The following ADCY8 variants were observed in gnomAD, a reference collection of about 807,000 sequenced individuals.
ADCY8 encodes adenylate cyclase type 8.
ADCY8 carries 51 observed loss-of-function variants against 119.7 expected under a neutral mutation model. The ratio of observed to expected loss-of-function variants is 0.43; its 90% CI spans 0.34 to 0.54. ADCY8 has a LOEUF of 0.54. ADCY8 is among the 20% of genes least tolerant of loss of function. The pLI, the probability that ADCY8 is intolerant of heterozygous loss-of-function variation, is 0.03. For synonymous variants in ADCY8, 665 were observed against 651.0 expected, an observed-to-expected ratio of 1.02 and a Z score of -0.33; for missense variants, 1,383 against 1,598.8, an observed-to-expected ratio of 0.87 and a Z score of 2.30.
Position 131,019,853 on chromosome 8 carries a change from C to G in ADCY8, c.960+19521G>C, listed in dbSNP as rs539211089. Among the ~76,000 whole-genome samples the G allele has an allele frequency of 2.7e-5, 4 of 150,636 alleles. No homozygotes were observed. In the East Asian group the frequency reaches 7.8e-4, roughly 29 times the overall value. ...TCTCTCTCTCTGTCTGTCTCTCTCT[C>G]TCTCTCTCTCTCTCTCTCAATAAGG... On this transcript the variant is annotated intron_variant, in intron 1 of 17. Coordinates refer to ENST00000286355, the MANE Select transcript of ADCY8 (RefSeq NM_001115.3).
chr8:130,836,861 A>T (rs1203484375), intron 11 of ADCY8, among the ~76,000 whole-genome samples: 1 of 151,866 alleles, frequency 6.6e-6, no homozygotes, highest in Admixed American at 6.6e-5. Context: ...AGCTTCCCCA[A>T]TAGCTGGGAT....
chr8:131,015,895 A>G (rs1390102947), intron 1 of ADCY8, among the ~76,000 whole-genome samples: 2 of 152,138 alleles, frequency 1.3e-5, no homozygotes, highest in Non-Finnish European at 2.9e-5. Context: ...TTTTAATCCT[A>G]ACACCTAGAG....
At chr8:130,967,799 C>A (rs1034278190) in intron 2 of ADCY8, among the ~76,000 whole-genome samples, 6 of 152,090 alleles carry the variant, frequency 3.9e-5, no homozygotes, top group African/African-American at 1.4e-4. Flanking sequence ...TGGGACAAAG[C>A]TCTTTCCTGA....
chr8:130,968,988 C>T (rs1414805053), intron 2 of ADCY8, among the ~76,000 whole-genome samples: 5 of 152,122 alleles, frequency 3.3e-5, no homozygotes, highest in Non-Finnish European at 7.3e-5. Context: ...AGGAGTTTCG[C>T]TACTTCTATC....
chr8:130,815,832 C>A (rs920588933), intron 13 of ADCY8, among the ~76,000 whole-genome samples: 1 of 152,124 alleles, frequency 6.6e-6, no homozygotes, highest in Non-Finnish European at 1.5e-5. Context: ...CAGGCAGGGG[C>A]GGAATAGGCA....
At chr8:130,886,773 T>C (rs1819001009) in intron 7 of ADCY8, among the ~76,000 whole-genome samples, 1 of 152,124 alleles carries the variant, frequency 6.6e-6, no homozygotes, top group Non-Finnish European at 1.5e-5. Flanking sequence ...TATTTTTATT[T>C]GTATATGGTT....
intron 1 of ADCY8, 149 bp downstream of exon 1, chr8:131,039,225 A>T: frequency 8.7e-7 from 1 of 1,145,964 alleles, no homozygotes; most frequent in East Asian, 2.4e-5. Context: ...CATTCCGCTA[A>T]CACTCAAGAC....
chr8:130,857,649 C>A (rs1385325092), intron 9 of ADCY8, among the ~76,000 whole-genome samples: 1 of 152,138 alleles, frequency 6.6e-6, no homozygotes, highest in African/African-American at 2.4e-5. Flanking sequence ...GGTGTGCGCC[C>A]CCACCAGGAG....
intron 1 of ADCY8, among the ~76,000 whole-genome samples, chr8:131,037,135 G>A (rs891414104): frequency 6.6e-6 from 1 of 152,190 alleles, no homozygotes; most frequent in Non-Finnish European, 1.5e-5. Flanking sequence ...ACTGAAGTGA[G>A]GGGAGAGCGC....
chr8:130,917,423 G>A (rs1820161794), intron 5 of ADCY8, among the ~76,000 whole-genome samples: 1 of 152,190 alleles, frequency 6.6e-6, no homozygotes, highest in Admixed American at 6.5e-5. Context: ...CAAGCTGAAT[G>A]GTGTTTGGAT....
At chr8:130,901,119 G>A (rs918147561) in intron 7 of ADCY8, among the ~76,000 whole-genome samples, 1 of 152,098 alleles carries the variant, frequency 6.6e-6, no homozygotes, top group Non-Finnish European at 1.5e-5. Context: ...TGATTTGCCA[G>A]GTATTGTTCT....
At chr8:130,849,534 A>G (rs1817444866) in intron 10 of ADCY8, 68 bp downstream of exon 10, 1 of 1,519,200 alleles carries the variant, frequency 6.6e-7, no homozygotes, top group Admixed American at 1.7e-5. Context: ...AGGAAGCTGC[A>G]GGCTCCATAA....
intron 2 of ADCY8, among the ~76,000 whole-genome samples, chr8:130,983,569 C>T (rs888665420): frequency 6.6e-6 from 1 of 152,062 alleles, no homozygotes; most frequent in East Asian, 1.9e-4. Flanking sequence ...TGTTGGAGTA[C>T]AAAGTGAGAG....
intron 13 of ADCY8, among the ~76,000 whole-genome samples, chr8:130,820,501 C>T (rs866326368): frequency 3.9e-5 from 6 of 152,216 alleles, no homozygotes; most frequent in Non-Finnish European, 5.9e-5. Flanking sequence ...AAGCGACGAA[C>T]GTTCATGGGT....
intron 13 of ADCY8, among the ~76,000 whole-genome samples, chr8:130,818,962 G>T (rs1000350818): frequency 2.0e-5 from 3 of 152,086 alleles, no homozygotes; most frequent in South Asian, 4.1e-4. Flanking sequence ...CCTTGTTTTT[G>T]TCATCAGCTT....
chr8:130,953,443 A>G (rs1201943415), intron 2 of ADCY8, among the ~76,000 whole-genome samples: 1 of 152,172 alleles, frequency 6.6e-6, no homozygotes, highest in Non-Finnish European at 1.5e-5. Context: ...CATATAATGG[A>G]CAGAATGAGT....
chr8:130,948,572 G>A lies in ADCY8; in HGVS notation c.1241+3296C>T, dbSNP rs73348517. On this transcript the variant is annotated intron_variant, in intron 3 of 17. Transcript: ENST00000286355. ...TTAAGCATACCCTTTCCTGATGAAG[G>A]TAAACAGTGGTATGAAATGTAAGTC... is the stretch of plus-strand genomic sequence containing the variant. Among the ~76,000 whole-genome samples the A allele has an allele frequency of 3.0e-3, 456 of 149,568 alleles. 6 individuals carry two copies. Among genetic ancestry groups the A allele is most frequent in the African/African-American group, 0.01 (426 of 40,610 alleles).
chr8:131,008,793 T>G (rs1023498461), intron 1 of ADCY8, among the ~76,000 whole-genome samples: 2 of 152,176 alleles, frequency 1.3e-5, no homozygotes, highest in Admixed American at 6.5e-5. Context: ...TTGACCAAAA[T>G]TCTGATAGTG....
rs1554603776 is a variant in ADCY8 at position 130,822,535 on chromosome 8, A to AATCCATGAATCCATGAATCCATGAATCC, written c.2676-1116_2676-1115insGGATTCATGGATTCATGGATTCATGGAT. 5.7e-5 allele frequency among the ~76,000 whole-genome samples: 8 copies of AATCCATGAATCCATGAATCCATGAATCC among 139,760 alleles called. No homozygotes were observed. The East Asian group carries it at 1.3e-3, about 23-fold the overall frequency. 91.7% of individuals were successfully genotyped at this position (139,760 alleles called of 152,430 possible). A position where few individuals can be genotyped will look rare whatever the true frequency, so the allele number is the denominator to read the frequency against. On this transcript the variant is annotated intron_variant, in intron 12 of 17. Coordinates refer to ENST00000286355, the MANE Select transcript of ADCY8 (RefSeq NM_001115.3). ...GAATCCATGAATCCATGAATCCATGAATCCATCCATCCATCCATCCATCCA... is the reference window on the plus strand; with the variant it reads ...GAATCCATGAATCCATGAATCCATGAATCCATGAATCCATGAATCCATGAATCCATCCATCCATCCATCCATCCATCCA...
Sources: allele counts gnomAD v4.1 joint callset (sites outside exome capture counted in the v4.1 genomes callset), GRCh38; gene constraint gnomAD v4.1.1; transcripts MANE v1.5; gene names NCBI Gene and HGNC (gene_info 2026-07-23, HGNC 2026-07-21).